Variants in KAZN observed in about 807,000 individuals in gnomAD.
The protein encoded by KAZN is kazrin, periplakin interacting protein, also known as kazrin.
KAZN carries 40 observed loss-of-function variants against 87.4 expected under a neutral mutation model. The ratio of observed to expected loss-of-function variants is 0.46; its 90% CI spans 0.36 to 0.60. The LOEUF (loss-of-function observed/expected upper bound fraction) is 0.60, where lower values mean the gene tolerates loss of function less well. KAZN is among the 20% of genes least tolerant of loss of function. The probability of loss-of-function intolerance (pLI) is 0.00; values close to 1 mark genes in which losing one functional copy is unlikely to be tolerated. For synonymous variants in KAZN, 466 were observed against 458.3 expected, an observed-to-expected ratio of 1.02 and a Z score of -0.22; for missense variants, 898 against 1,073.9, an observed-to-expected ratio of 0.84 and a Z score of 2.29.
chr1:14,091,750 G>A (rs1644000716), intron 1 of KAZN, among the ~76,000 whole-genome samples: 2 of 152,138 alleles, frequency 1.3e-5, no homozygotes, highest in African/African-American at 4.8e-5. Flanking sequence ...GTCATGTATA[G>A]CGTGCAAATT....
intron 1 of KAZN, among the ~76,000 whole-genome samples, chr1:14,722,568 T>C (rs978145801): frequency 6.6e-6 from 1 of 152,250 alleles, no homozygotes; most frequent in Non-Finnish European, 1.5e-5. Flanking sequence ...ATTGGTGATG[T>C]TCTTTTCCCA....
chr1:14,812,188 C>A (rs1238368422), intron 1 of KAZN, among the ~76,000 whole-genome samples: 1 of 152,144 alleles, frequency 6.6e-6, no homozygotes, highest in African/African-American at 2.4e-5. Context: ...TCTCTTCTGG[C>A]AGGCCAGCCC....
At chr1:14,127,070 C>T (rs1644887969) in intron 1 of KAZN, among the ~76,000 whole-genome samples, 2 of 151,716 alleles carry the variant, frequency 1.3e-5, no homozygotes, top group South Asian at 2.1e-4. Context: ...CACACCACTG[C>T]ACCCCAGCCT....
chr1:14,152,644 C>A (rs1442026487), intron 1 of KAZN, among the ~76,000 whole-genome samples: 1 of 152,202 alleles, frequency 6.6e-6, no homozygotes, highest in Non-Finnish European at 1.5e-5. Context: ...ATGGCTCCAA[C>A]AAACACAGTA....
At chr1:14,575,452 C>T (rs1675121313) in intron 2 of KAZN, among the ~76,000 whole-genome samples, 1 of 152,074 alleles carries the variant, frequency 6.6e-6, no homozygotes, top group Non-Finnish European at 1.5e-5. Flanking sequence ...TTATTCACTA[C>T]CATGAGAACA....
intron 2 of KAZN, among the ~76,000 whole-genome samples, chr1:14,524,721 G>C (rs1671775492): frequency 6.6e-6 from 1 of 152,144 alleles, no homozygotes; most frequent in South Asian, 2.1e-4. Context: ...TTTAATAGCA[G>C]CTCAAGAGTG....
Position 13,983,206 on chromosome 1 carries a change from G to A in KAZN, c.91+89450G>A, listed in dbSNP as rs756729952. On this transcript the variant is annotated intron_variant, in intron 1 of 16. Transcript: ENST00000636203. ...GTGGTCGATGGGACTGGGTGCCGTG[G>A]AGCAAGGGGTGGCGCTCGTGGAGGA... Among the ~76,000 whole-genome samples, 7 of 152,354 alleles carry A rather than the reference G, an allele frequency of 4.6e-5. No individual in the cohort carries two copies. The South Asian group carries it at 1.4e-3, about 32-fold the overall frequency.
intron 1 of KAZN, among the ~76,000 whole-genome samples, chr1:14,710,580 G>T (rs1463081092): frequency 6.6e-6 from 1 of 152,074 alleles, no homozygotes; most frequent in Non-Finnish European, 1.5e-5. Flanking sequence ...CAGGGCCTTT[G>T]CACTAGCTGT....
intron 2 of KAZN, among the ~76,000 whole-genome samples, chr1:14,524,237 G>A (rs909545303): frequency 1.3e-5 from 2 of 152,160 alleles, no homozygotes; most frequent in African/African-American, 4.8e-5. Context: ...GGCCAGGCTG[G>A]TCTCAAACTC....
intron 2 of KAZN, among the ~76,000 whole-genome samples, chr1:14,340,887 C>CT (rs1557650364): frequency 2.2e-5 from 1 of 45,124 alleles, no homozygotes; most frequent in Non-Finnish European, 3.9e-5. Context: ...CATGATTTTC[C>CT]CTTTTTTTTT....
chr1:14,434,100 A>C (rs886496578), intron 2 of KAZN, among the ~76,000 whole-genome samples: 1 of 152,204 alleles, frequency 6.6e-6, no homozygotes, highest in Non-Finnish European at 1.5e-5. Context: ...TGGCTGCCCA[A>C]ATAGATGCAT....
intron 2 of KAZN, among the ~76,000 whole-genome samples, chr1:14,570,192 C>A (rs1198639597): frequency 6.6e-6 from 1 of 152,104 alleles, no homozygotes; most frequent in Non-Finnish European, 1.5e-5. Context: ...GGTTCATAAC[C>A]CCATTTTGTT....
rs190435902 is a variant in KAZN at position 14,380,951 on chromosome 1, A to G, written c.249+200359A>G. ...ATAATCAAACTTTCAAACATCAAGG[A>G]TAAACAAAGGATCCTAAAAGTAGTG... On this transcript the variant is annotated intron_variant, in intron 2 of 16. Coordinates refer to the KAZN transcript ENST00000636203. Among the ~76,000 whole-genome samples the G allele has an allele frequency of 6.5e-3, 985 of 152,312 alleles. 10 individuals carry two copies. The highest frequency in any genetic ancestry group is 0.023 in the African/African-American group (953 of 41,560).
At chr1:14,339,548 A>G (rs977033032) in intron 2 of KAZN, among the ~76,000 whole-genome samples, 1 of 152,140 alleles carries the variant, frequency 6.6e-6, no homozygotes, top group African/African-American at 2.4e-5. Context: ...AGGAGAGCCG[A>G]CGTTTCTGTT....
chr1:14,324,872 C>A (rs550052318), intron 2 of KAZN, among the ~76,000 whole-genome samples: 4 of 152,072 alleles, frequency 2.6e-5, no homozygotes, highest in Non-Finnish European at 5.9e-5. Flanking sequence ...AACTAGGTAA[C>A]CTTATGGAAA....
chr1:14,969,332 A>G (rs961026442), intron 2 of KAZN, among the ~76,000 whole-genome samples: 1 of 152,244 alleles, frequency 6.6e-6, no homozygotes, highest in African/African-American at 2.4e-5. Context: ...AGACGTGTTC[A>G]TCTTCTATGC....
At chr1:14,451,028 G>A (rs1208648258) in intron 2 of KAZN, among the ~76,000 whole-genome samples, 3 of 152,048 alleles carry the variant, frequency 2.0e-5, no homozygotes, top group Non-Finnish European at 2.9e-5. Flanking sequence ...CTCACACCAT[G>A]TGACATGCCT....
At chr1:14,026,536 CTAG>C (rs1038086513) in intron 1 of KAZN, among the ~76,000 whole-genome samples, 22 of 152,160 alleles carry the variant, frequency 1.4e-4, no homozygotes, top group African/African-American at 5.3e-4. Flanking sequence ...AGGGCAAAGT[CTAG>C]ATATAAAGAA....
At chr1:14,340,666 T>G (rs565502426) in intron 2 of KAZN, among the ~76,000 whole-genome samples, 1 of 152,318 alleles carries the variant, frequency 6.6e-6, no homozygotes, top group Admixed American at 6.5e-5. Context: ...GCTTGCTGTC[T>G]GTAGGCATAC....
Sources: allele counts gnomAD v4.1 joint callset (sites outside exome capture counted in the v4.1 genomes callset), GRCh38; gene constraint gnomAD v4.1.1; transcripts MANE v1.5; gene names NCBI Gene and HGNC (gene_info 2026-07-23, HGNC 2026-07-21).